The following RAI14 variants were observed in gnomAD, a reference collection of about 807,000 sequenced individuals.
The protein encoded by RAI14 is retinoic acid induced 14, also known as ankycorbin.
Under a neutral mutation model 115.4 loss-of-function variants are expected in RAI14, and 45 were observed. The observed-to-expected ratio is 0.39, with a 90% CI of 0.31 to 0.50. RAI14 has a LOEUF of 0.50. Among genes scored for constraint, RAI14 ranks in the 20% least tolerant of loss-of-function variants. RAI14 has a pLI of 0.85. For missense variants in RAI14, 939 were observed against 1,131.2 expected (o/e 0.83, Z 2.44); for synonymous variants, 371 against 415.4 (o/e 0.89, Z 1.30).
At chr5:34,815,147 C>T (rs1756058306) in intron 12 of RAI14, among the ~76,000 whole-genome samples, 1 of 152,102 alleles carries the variant, frequency 6.6e-6, no homozygotes, top group African/African-American at 2.4e-5. Flanking sequence ...CTTTGGGAGG[C>T]TGAGGCAGGT....
In RAI14 at chr5:34,672,738, T is replaced by C. The variant is rs1458150728; in HGVS notation, c.-48-14134T>C. On this transcript the variant is annotated intron_variant, in intron 1 of 17. Transcript: ENST00000265109. ...TAGAATAAATTAGGGTGACAGTGTG[T>C]TTTCATATCATACCTTCACCACTAT... 2.0e-5 allele frequency among the ~76,000 whole-genome samples: 3 copies of C among 152,104 alleles called. No individual in the cohort carries two copies. The East Asian group carries it at 5.8e-4, about 29-fold the overall frequency.
At position 34,823,421 on chromosome 5, in the gene RAI14, G is replaced by C; in HGVS notation, c.1579G>C (p.Val527Leu). Residue 527 changes from valine (V) to leucine (L), a missense_variant, in exon 15 of 18, where the codon GTC becomes CTC. By Grantham distance (32) the Val-to-Leu change is conservative (BLOSUM62 1). Coordinates refer to ENST00000265109, the MANE Select transcript of RAI14 (RefSeq NM_015577.3). The surrounding 1 kb of genome is among the most constrained non-coding windows in gnomAD (Gnocchi z 4.5). The part of the protein sequence containing the change: ...DNYSHFHELR[V>L]TEEEINVLKQ... ...TTATTCACATTTCCACGAGCTGAGGGTCACGGAAGAGGAAATAAATGTGCT... is the reference window on the plus strand; with the variant it reads ...TTATTCACATTTCCACGAGCTGAGGCTCACGGAAGAGGAAATAAATGTGCT... 2.5e-6 allele frequency: 4 copies of C among 1,614,078 alleles called. No individual in the cohort carries two copies. The highest frequency in any genetic ancestry group is 3.4e-6 in the Non-Finnish European group (4 of 1,179,982).
chr5:34,664,713 T>C (rs145430187), intron 1 of RAI14, among the ~76,000 whole-genome samples: 15,029 of 151,614 alleles, frequency 0.099, 844 homozygotes, highest in African/African-American at 0.14. Context: ...GATTTTGGTG[T>C]ACCCATCACC....
intron 3 of RAI14, among the ~76,000 whole-genome samples, chr5:34,781,331 C>A (rs1182953295): frequency 6.6e-6 from 1 of 151,834 alleles, no homozygotes; most frequent in African/African-American, 2.4e-5. Flanking sequence ...TGTAACAAAC[C>A]TTGTGCACAT....
chr5:34,765,908 C>T (rs1749283623), intron 3 of RAI14, among the ~76,000 whole-genome samples: 1 of 152,224 alleles, frequency 6.6e-6, no homozygotes, highest in South Asian at 2.1e-4. Context: ...GACTTGGTGC[C>T]CTGTGTCCCA....
intron 2 of RAI14, among the ~76,000 whole-genome samples, chr5:34,703,082 G>C (rs1047476789): frequency 1.3e-5 from 2 of 152,134 alleles, no homozygotes; most frequent in African/African-American, 4.8e-5. Flanking sequence ...CAGATGTTGG[G>C]AGTAAACAAA....
chr5:34,732,673 A>G (rs1431494850), intron 2 of RAI14, among the ~76,000 whole-genome samples: 2 of 151,304 alleles, frequency 1.3e-5, no homozygotes, highest in Non-Finnish European at 2.9e-5. Flanking sequence ...TCCTAACCTC[A>G]GGTGATCCAC....
intron 3 of RAI14, among the ~76,000 whole-genome samples, chr5:34,789,631 G>A (rs1008723313): frequency 1.3e-5 from 2 of 152,128 alleles, no homozygotes; most frequent in Non-Finnish European, 2.9e-5. Context: ...TGGTGGTTCT[G>A]ATTTAACTTC....
chr5:34,776,058 G>A (rs1580217205), intron 3 of RAI14, among the ~76,000 whole-genome samples: 1 of 152,206 alleles, frequency 6.6e-6, no homozygotes, highest in South Asian at 2.1e-4. Context: ...GAAAATGTAG[G>A]ACATATACAC....
chr5:34,802,513 C>T (rs1754392951), intron 4 of RAI14, among the ~76,000 whole-genome samples: 1 of 152,072 alleles, frequency 6.6e-6, no homozygotes, highest in Non-Finnish European at 1.5e-5. Context: ...GACCCTCTCC[C>T]CAGGTCCCCC....
intron 2 of RAI14, among the ~76,000 whole-genome samples, chr5:34,696,585 G>A (rs541243146): frequency 1.3e-5 from 2 of 152,318 alleles, no homozygotes; most frequent in East Asian, 3.9e-4. Context: ...AAGCCTCAAG[G>A]GAAAGGGGAG....
chr5:34,680,447 G>A (rs191698403), intron 1 of RAI14, among the ~76,000 whole-genome samples: 5 of 152,144 alleles, frequency 3.3e-5, no homozygotes, highest in African/African-American at 7.2e-5. Context: ...ATTCACTCCC[G>A]TAATAAAGCA....
rs951952409 is a variant in RAI14, at chr5:34,716,411, A to T, written c.36+29456A>T. On this transcript the variant is annotated intron_variant, in intron 2 of 17. Transcript: ENST00000265109. ...GTAGCTAATTACAAGTTTTGGGTTA[A>T]TTTTTTTTTTTTTTAATTGAGACAG... Among the ~76,000 whole-genome samples, 5 of 144,300 alleles carry T rather than the reference A, an allele frequency of 3.5e-5. 1 individual carries two copies. In the South Asian group the frequency reaches 1.1e-3, roughly 32 times the overall value. 94.7% of individuals were successfully genotyped at this position (144,300 alleles called of 152,430 possible).
At chr5:34,732,886 T>A (rs1561288970) in intron 2 of RAI14, among the ~76,000 whole-genome samples, 1 of 151,808 alleles carries the variant, frequency 6.6e-6, no homozygotes. Context: ...GAAACAATGA[T>A]AATAAGGCTA....
At chr5:34,747,541 C>T (rs1255945991) in intron 2 of RAI14, among the ~76,000 whole-genome samples, 2 of 152,212 alleles carry the variant, frequency 1.3e-5, no homozygotes, top group South Asian at 2.1e-4. Flanking sequence ...CATACTCTCT[C>T]ACTCTCTAAA....
At chr5:34,689,912 G>A (rs1218695682) in intron 2 of RAI14, among the ~76,000 whole-genome samples, 4 of 152,062 alleles carry the variant, frequency 2.6e-5, no homozygotes, top group Non-Finnish European at 5.9e-5. Context: ...AAAAAAGAAT[G>A]TCAAAAATCT....
intron 2 of RAI14, among the ~76,000 whole-genome samples, chr5:34,694,399 A>G (rs1738979606): frequency 6.6e-6 from 1 of 152,190 alleles, no homozygotes; most frequent in Non-Finnish European, 1.5e-5. Context: ...ACTATATGGC[A>G]ATACAGGGGC....
intron 2 of RAI14, among the ~76,000 whole-genome samples, chr5:34,717,657 G>A (rs572614832): frequency 6.6e-6 from 1 of 152,274 alleles, no homozygotes; most frequent in East Asian, 1.9e-4. Context: ...GATGTGGGAA[G>A]AGAGTGCAAA....
chr5:34,659,227 A>G (rs1335584823), intron 1 of RAI14, among the ~76,000 whole-genome samples: 1 of 152,216 alleles, frequency 6.6e-6, no homozygotes, highest in Non-Finnish European at 1.5e-5. Context: ...AAAGTATAGT[A>G]TATTTACTCC....
Sources: allele counts gnomAD v4.1 joint callset (sites outside exome capture counted in the v4.1 genomes callset), GRCh38; gene constraint gnomAD v4.1.1; non-coding constraint Gnocchi (gnomAD v3.1); transcripts MANE v1.5; gene names NCBI Gene and HGNC (gene_info 2026-07-23, HGNC 2026-07-21).